The following LRRK1 variants were observed in gnomAD, a reference collection of about 807,000 sequenced individuals.
LRRK1 encodes the protein leucine-rich repeat serine/threonine-protein kinase 1.
A neutral mutation model predicts 209.1 loss-of-function variants in LRRK1; 113 were observed. That is an observed-to-expected ratio of 0.54 (90% CI 0.46 to 0.63). The LOEUF (loss-of-function observed/expected upper bound fraction) is 0.63. Among genes scored for constraint, LRRK1 ranks in the 30% least tolerant of loss-of-function variants. The probability of loss-of-function intolerance (pLI) is 0.00; values close to 1 mark genes in which losing one functional copy is unlikely to be tolerated. For synonymous variants in LRRK1, 1,144 were observed against 1,099.7 expected (o/e 1.04, Z -0.80); for missense variants, 2,284 against 2,632.2 (o/e 0.87, Z 2.89).
rs989439779 is a variant in LRRK1 at position 100,919,870 on chromosome 15, A to G, written c.-123+419A>G. 2.6e-5 allele frequency among the ~76,000 whole-genome samples: 4 copies of G among 151,772 alleles called. No individual in the cohort carries two copies. Among genetic ancestry groups the G allele is most frequent in the Non-Finnish European group, 5.9e-5 (4 of 67,918 alleles). ...GCCTTTGGAGCGAACCCAGTCCCTTAGCGGGGAGCGGGCGGAGTGTGAGCG... is the reference window on the plus strand; with the variant it reads ...GCCTTTGGAGCGAACCCAGTCCCTTGGCGGGGAGCGGGCGGAGTGTGAGCG... On this transcript the variant is annotated intron_variant, in intron 1 of 33. Coordinates refer to ENST00000388948, the MANE Select transcript of LRRK1 (RefSeq NM_024652.6). The surrounding 1 kb of genome is among the most constrained non-coding windows in gnomAD (Gnocchi z 5.8).
In LRRK1 at chr15:101,027,548, C is replaced by T; in HGVS notation, c.2527-90C>T. Reference sequence around the variant, plus strand: ...ATAGTGGGTGGAAACGTCCCACCCCCTCAGGCCACAGGGGCCGGGCAGGAT... The same window carrying T: ...ATAGTGGGTGGAAACGTCCCACCCCTTCAGGCCACAGGGGCCGGGCAGGAT... On this transcript the variant is annotated intron_variant, in intron 18 of 33. Transcript: ENST00000388948. This position sits in a 1 kb window ranked among gnomAD's most constrained non-coding sequence, Gnocchi z 5.1. 1 of 1,539,556 alleles carries T rather than the reference C, an allele frequency of 6.5e-7. No homozygotes were observed. Among genetic ancestry groups the T allele is most frequent in the Non-Finnish European group, 8.8e-7 (1 of 1,138,856 alleles).
rs1389878029 is a variant in LRRK1 at position 101,062,697 on chromosome 15, T to A, written c.4914+7T>A. ...CGTGCCTGTTATTAAAAAGGTGAGG[T>A]CGGGGCAAAGGCAGGTATGCAGGTC... On this transcript the variant is annotated splice_region_variant and intron_variant, in intron 31 of 33. Transcript: ENST00000388948. The A allele has an allele frequency of 1.3e-6, 2 of 1,598,778 alleles. No homozygotes were observed. The highest frequency in any genetic ancestry group is 2.7e-5 in the African/African-American group (2 of 74,528).
chr15:100,979,238 C>T (rs2031469725), intron 3 of LRRK1, among the ~76,000 whole-genome samples: 1 of 152,134 alleles, frequency 6.6e-6, no homozygotes, highest in African/African-American at 2.4e-5. Flanking sequence ...GGAACTTCCT[C>T]AATTGGGTAA....
chr15:100,988,265 C>A (rs767407028), intron 4 of LRRK1, among the ~76,000 whole-genome samples: 27 of 143,070 alleles, frequency 1.9e-4, no homozygotes, highest in Non-Finnish European at 3.2e-4. Flanking sequence ...GCATGGGACT[C>A]AATAGGTAAT....
At chr15:101,016,284 T>G (rs1189957976) in intron 12 of LRRK1, among the ~76,000 whole-genome samples, 2 of 148,732 alleles carry the variant, frequency 1.3e-5, no homozygotes, top group Admixed American at 1.4e-4. Context: ...CATCTCCAAA[T>G]AGTAATTTTG....
At position 101,024,652 on chromosome 15, in the gene LRRK1, C is replaced by A. The variant is rs1029164425; in HGVS notation, c.2068-151C>A. Reference sequence around the variant, plus strand: ...CTGTCCCTCGCCCAGATAACTGTTTCCTAAGAAACAATAGAGTGTCCAGAA... The same window carrying A: ...CTGTCCCTCGCCCAGATAACTGTTTACTAAGAAACAATAGAGTGTCCAGAA... On this transcript the variant is annotated intron_variant, in intron 15 of 33. Transcript: ENST00000388948. This position sits in a 1 kb window ranked among gnomAD's most constrained non-coding sequence, Gnocchi z 4.6. 2.4e-6 allele frequency: 2 copies of A among 824,840 alleles called. No homozygotes were observed. The highest frequency in any genetic ancestry group is 3.8e-5 in the South Asian group (2 of 52,180). The allele number at this position is 824,840 out of a possible 1,614,324, so 51.1% of individuals were successfully genotyped here. A position where few individuals can be genotyped will look rare whatever the true frequency, so the allele number is the denominator to read the frequency against.
At chr15:100,966,771 T>G (rs1208728408) in intron 2 of LRRK1, among the ~76,000 whole-genome samples, 1 of 152,222 alleles carries the variant, frequency 6.6e-6, no homozygotes, top group Non-Finnish European at 1.5e-5. Context: ...CACAACATTT[T>G]TATAATGTAA....
At position 101,076,587 on chromosome 15, in the gene LRRK1, A is replaced by C. The variant is rs2036994268; in HGVS notation, c.*7739A>C. The C allele has an allele frequency of 6.6e-6, 1 of 152,500 alleles. No individual in the cohort carries two copies. 9.4% of individuals were successfully genotyped at this position (152,500 alleles called of 1,614,324 possible). On this transcript the variant is annotated 3_prime_UTR_variant, in exon 34 of 34. Transcript: ENST00000388948. The stretch of plus-strand genomic sequence containing the variant: ...GCAAAGGCAGGCTGTGCTATAGTAC[A>C]AGCCGCTAGCCCGCCTCTTAGAACC...
rs749232452 is a variant in LRRK1, at chr15:101,065,615, G to A, written c.5178G>A (p.Arg1726=). 3 of 1,614,216 alleles carry A rather than the reference G, an allele frequency of 1.9e-6. No individual in the cohort carries two copies. The East Asian group carries it at 6.7e-5, about 36-fold the overall frequency. ...GTGCCTCCCTGGAGATCTGCAGGCG[G>A]CTGGAGCCCTACATGGCCCCCTCCA... The part of the protein sequence containing the change: ...IDCASLEICR[R]LEPYMAPSMV... Residue 1726 remains arginine (R), a synonymous_variant, in exon 32 of 34, where the codon CGG becomes CGA. Transcript: ENST00000388948.
chr15:100,938,329 A>G lies in LRRK1; in HGVS notation c.97+13600A>G, dbSNP rs77780370. Among the ~76,000 whole-genome samples the G allele has an allele frequency of 6.4e-3, 970 of 152,138 alleles. 10 individuals carry two copies. Among genetic ancestry groups the G allele is most frequent in the African/African-American group, 0.022 (913 of 41,484 alleles). ...TGACATGTAATAATTGTGCTTGTCT[A>G]TGGGATACAGAGTGATACTTGGATA... On this transcript the variant is annotated intron_variant, in intron 2 of 33. Coordinates refer to ENST00000388948, the MANE Select transcript of LRRK1 (RefSeq NM_024652.6).
intron 12 of LRRK1, 129 bp from the exon 13 acceptor site, chr15:101,020,924 C>T: frequency 1.1e-6 from 1 of 912,028 alleles, no homozygotes; most frequent in Non-Finnish European, 1.7e-6. Flanking sequence ...ATGAGGTGAG[C>T]ATTTTGTTCT....
chr15:101,052,006 G>A lies in LRRK1; in HGVS notation c.3689+46G>A, dbSNP rs979527977. The A allele has an allele frequency of 1.9e-6, 3 of 1,585,378 alleles. No individual in the cohort carries two copies. The Admixed American group carries it at 5.1e-5, about 27-fold the overall frequency. Reference sequence around the variant, plus strand: ...CCAGAACACAGTGCAGGTCACAGGGGGCGTTCCTCGCTGTGCAGTTGCCGA... The same window carrying A: ...CCAGAACACAGTGCAGGTCACAGGGAGCGTTCCTCGCTGTGCAGTTGCCGA... On this transcript the variant is annotated intron_variant, in intron 24 of 33. Transcript: ENST00000388948.
At chr15:101,011,893 C>G (rs2033266862) in intron 9 of LRRK1, 115 bp from the exon 10 acceptor site, 1 of 751,718 alleles carries the variant, frequency 1.3e-6, no homozygotes, top group South Asian at 1.8e-5. Flanking sequence ...ATCTTCATTA[C>G]AGGACATTAT....
Position 101,021,111 on chromosome 15 carries a change from C to G in LRRK1, c.1668C>G (p.Asn556Lys). The change falls in exon 13 of 34, where the codon AAC becomes AAG. Residue 556 changes from asparagine to lysine, a missense_variant. Physicochemically the swap from Asn to Lys is moderately conservative, Grantham distance 94. Around this residue, in one of 6 missense-constraint regions of LRRK1, gnomAD observed 494 missense variants for 522.1 expected, o/e 0.95. Transcript: ENST00000388948. ...LSESLEVLCLNDNHLDTVPPS... is the reference protein window; with the variant it reads ...LSESLEVLCLKDNHLDTVPPS... ...AGTCTTTGGAAGTCCTTTGCCTGAA[C>G]GACAACCACCTCGACACAGTCCCTC... The G allele has an allele frequency of 3.1e-6, 5 of 1,614,058 alleles. No individual in the cohort carries two copies. The highest frequency in any genetic ancestry group is 3.4e-6 in the Non-Finnish European group (4 of 1,179,978).
intron 21 of LRRK1, among the ~76,000 whole-genome samples, chr15:101,048,196 G>GTAT (rs1315120228): frequency 6.6e-6 from 1 of 151,716 alleles, no homozygotes; most frequent in Non-Finnish European, 1.5e-5. Context: ...ACATTTTTCT[G>GTAT]TATTTTCTAC....
chr15:100,941,152 GTGTC>G (rs1470452166), intron 2 of LRRK1, among the ~76,000 whole-genome samples: 1 of 151,926 alleles, frequency 6.6e-6, no homozygotes, highest in East Asian at 1.9e-4. Context: ...GTGTGTCTGT[GTGTC>G]TGCATATCTA....
intron 3 of LRRK1, among the ~76,000 whole-genome samples, chr15:100,981,350 T>C (rs2031587452): frequency 2.0e-5 from 3 of 152,246 alleles, no homozygotes; most frequent in Non-Finnish European, 4.4e-5. Context: ...TTATCCATAA[T>C]GCAAATGCTT....
intron 2 of LRRK1, among the ~76,000 whole-genome samples, chr15:100,947,192 C>A (rs2042557187): frequency 6.6e-6 from 1 of 151,978 alleles, no homozygotes; most frequent in African/African-American, 2.4e-5. Flanking sequence ...CTCCTGACCT[C>A]GTGATCCGCC....
chr15:100,941,155 T>C (rs2042393619), intron 2 of LRRK1, among the ~76,000 whole-genome samples: 1 of 152,030 alleles, frequency 6.6e-6, no homozygotes, highest in African/African-American at 2.4e-5. Flanking sequence ...TGTCTGTGTG[T>C]CTGCATATCT....
Sources: allele counts gnomAD v4.1 joint callset (sites outside exome capture counted in the v4.1 genomes callset), GRCh38; gene constraint gnomAD v4.1.1; regional missense constraint gnomAD v4.1.1; non-coding constraint Gnocchi (gnomAD v3.1); transcripts MANE v1.5; gene names NCBI Gene and HGNC (gene_info 2026-07-23, HGNC 2026-07-21).